ARMC9: variants seen among roughly 807,000 people sequenced by gnomAD.
ARMC9 encodes lisH domain-containing protein ARMC9.
A neutral mutation model predicts 107.0 loss-of-function variants in ARMC9; 94 were observed. The observed-to-expected ratio is 0.88, with a 90% CI of 0.74 to 1.04. The LOEUF is 1.04. Ranked by LOEUF, ARMC9 falls within the 50% of genes least tolerant of loss-of-function variation. The pLI, the probability that ARMC9 is intolerant of heterozygous loss-of-function variation, is 0.00. For missense variants in ARMC9, 942 were observed against 1,030.1 expected (o/e 0.91, Z 1.17); for synonymous variants, 380 against 396.9 (o/e 0.96, Z 0.51).
intron 19 of ARMC9, among the ~76,000 whole-genome samples, chr2:231,310,445 C>T (rs936613924): frequency 1.1e-5 from 1 of 94,436 alleles, no homozygotes; most frequent in Non-Finnish European, 1.9e-5. Flanking sequence ...TAAAGTTAAG[C>T]TATGGGCGGG....
intron 7 of ARMC9, among the ~76,000 whole-genome samples, chr2:231,228,685 A>G (rs952026525): frequency 6.6e-6 from 1 of 152,172 alleles, no homozygotes; most frequent in Non-Finnish European, 1.5e-5. Context: ...GATGGGAAGG[A>G]GGGTGTGTCA....
At chr2:231,289,361 G>A (rs975106718) in intron 17 of ARMC9, among the ~76,000 whole-genome samples, 7 of 152,152 alleles carry the variant, frequency 4.6e-5, no homozygotes. Flanking sequence ...CAGCTACTTG[G>A]GAGGCTAAGG....
In ARMC9 at chr2:231,375,688, C is replaced by T. The variant is rs2125604475; in HGVS notation, c.*4153C>T. 6.6e-6 allele frequency among the ~76,000 whole-genome samples: 1 copy of T among 152,332 alleles called. No homozygotes were observed. Among genetic ancestry groups the T allele is most frequent in the South Asian group, 2.1e-4 (1 of 4,828 alleles). On this transcript the variant is annotated 3_prime_UTR_variant, in exon 25 of 25. Coordinates refer to ENST00000611582, the MANE Select transcript of ARMC9 (RefSeq NM_001352754.2). This position sits in a 1 kb window ranked among gnomAD's most constrained non-coding sequence, Gnocchi z 4.3. ...GAGCACCAGCCCCAGGTTGAAACAT[C>T]AGGCAGGTTTCTAGGAAATGGTTGC...
chr2:231,253,679 C>T (rs1015470682), intron 9 of ARMC9, among the ~76,000 whole-genome samples: 2 of 152,208 alleles, frequency 1.3e-5, no homozygotes, highest in African/African-American at 4.8e-5. Flanking sequence ...CAAAATTCTG[C>T]ATTTCCAATG....
intron 19 of ARMC9, among the ~76,000 whole-genome samples, chr2:231,303,276 C>G (rs2041864803): frequency 6.6e-6 from 1 of 152,116 alleles, no homozygotes; most frequent in Non-Finnish European, 1.5e-5. Flanking sequence ...TTAGGATTTT[C>G]TGTATAACAA....
At chr2:231,250,677 C>T (rs2037220920) in intron 9 of ARMC9, among the ~76,000 whole-genome samples, 1 of 152,080 alleles carries the variant, frequency 6.6e-6, no homozygotes, top group African/African-American at 2.4e-5. Context: ...GAGTGAGGGG[C>T]TGCCAGGGAG....
At chr2:231,327,055 T>A (rs2043372212) in intron 19 of ARMC9, among the ~76,000 whole-genome samples, 1 of 152,112 alleles carries the variant, frequency 6.6e-6, no homozygotes, top group Non-Finnish European at 1.5e-5. Context: ...TTTCCCTCCA[T>A]AGCCAGCAGC....
At chr2:231,259,886 C>T (rs1199848128) in intron 11 of ARMC9, among the ~76,000 whole-genome samples, 1 of 152,148 alleles carries the variant, frequency 6.6e-6, no homozygotes, top group Non-Finnish European at 1.5e-5. Context: ...GTCCCAGCTA[C>T]TCAGGAGACT....
intron 7 of ARMC9, among the ~76,000 whole-genome samples, chr2:231,227,218 C>T (rs1261268575): frequency 1.3e-5 from 2 of 152,160 alleles, no homozygotes; most frequent in African/African-American, 4.8e-5. Context: ...CCATTCTTAT[C>T]AAGCATTTTC....
At chr2:231,239,136 C>G (rs1422853695) in intron 8 of ARMC9, among the ~76,000 whole-genome samples, 1 of 152,082 alleles carries the variant, frequency 6.6e-6, no homozygotes, top group Admixed American at 6.5e-5. Context: ...TCATTATCCG[C>G]AGGGATTGGT....
chr2:231,324,697 T>C (rs992370946), intron 19 of ARMC9, among the ~76,000 whole-genome samples: 9 of 151,392 alleles, frequency 5.9e-5, no homozygotes, highest in Non-Finnish European at 1.2e-4. Flanking sequence ...TGAGTGGAGA[T>C]CACACCATTG....
intron 6 of ARMC9, among the ~76,000 whole-genome samples, 181 bp downstream of exon 6, chr2:231,223,001 A>T (rs561441442): frequency 4.6e-5 from 7 of 152,336 alleles, no homozygotes; most frequent in African/African-American, 1.7e-4. Flanking sequence ...CAACTTCTAT[A>T]TCATTGGATC....
chr2:231,246,583 AT>A, intron 9 of ARMC9, among the ~76,000 whole-genome samples: 1 of 152,182 alleles, frequency 6.6e-6, no homozygotes, highest in African/African-American at 2.4e-5. Context: ...TGTGTACCAC[AT>A]TTTCCTTATC....
intron 16 of ARMC9, among the ~76,000 whole-genome samples, chr2:231,279,482 CTTTCTTTCT>C (rs2040027669): frequency 6.7e-6 from 1 of 148,554 alleles, no homozygotes; most frequent in African/African-American, 2.5e-5. Context: ...GTTCCCATTT[CTTTCTTTCT>C]TTTCTTTTTT....
chr2:231,214,706 C>T (rs1034031650), intron 3 of ARMC9, 125 bp from the exon 4 acceptor site: 3 of 1,002,916 alleles, frequency 3.0e-6, no homozygotes, highest in African/African-American at 3.2e-5. Context: ...CCTGTGGGAT[C>T]TCTATTTTTC....
chr2:231,233,435 C>T (rs2035422284), intron 7 of ARMC9, among the ~76,000 whole-genome samples: 1 of 152,074 alleles, frequency 6.6e-6, no homozygotes, highest in Non-Finnish European at 1.5e-5. Context: ...TATTTCAGAG[C>T]TTGCATGCCA....
At chr2:231,345,112 CG>C (rs763863168) in intron 21 of ARMC9, 22 bp downstream of exon 21, 12 of 1,607,862 alleles carry the variant, frequency 7.5e-6, no homozygotes, top group Non-Finnish European at 1.0e-5. Context: ...CTAAAGGAAG[CG>C]GGAATTGACT....
At chr2:231,342,297 G>C (rs2044566052) in intron 20 of ARMC9, among the ~76,000 whole-genome samples, 1 of 152,230 alleles carries the variant, frequency 6.6e-6, no homozygotes, top group Non-Finnish European at 1.5e-5. Context: ...CCATCCACTG[G>C]AGAGGAAAAA....
intron 5 of ARMC9, among the ~76,000 whole-genome samples, chr2:231,217,966 T>A (rs2033706342): frequency 6.6e-6 from 1 of 150,580 alleles, no homozygotes; most frequent in South Asian, 2.1e-4. Flanking sequence ...GTGCTAGGAT[T>A]ACAGGCGTGA....
Sources: gnomAD v4.1 joint callset for allele counts (sites outside exome capture counted in the v4.1 genomes callset) on GRCh38, gnomAD v4.1.1 for gene constraint, Gnocchi (gnomAD v3.1) non-coding constraint, MANE v1.5 for transcripts, NCBI Gene and HGNC (gene_info 2026-07-23, HGNC 2026-07-21) for gene names.